RABGAP1L: variants seen among roughly 807,000 people sequenced by gnomAD.
RABGAP1L encodes the protein rab GTPase-activating protein 1-like.
In RABGAP1L, 63 loss-of-function variants were observed where a neutral mutation model predicts 137.7. The observed-to-expected ratio is 0.46, with a 90% CI of 0.37 to 0.56. The LOEUF (loss-of-function observed/expected upper bound fraction) is 0.56, where lower values mean the gene tolerates loss of function less well. RABGAP1L is among the 20% of genes least tolerant of loss of function. The probability of loss-of-function intolerance (pLI) is 0.00; values close to 1 mark genes in which losing one functional copy is unlikely to be tolerated. For missense variants in RABGAP1L, 1,095 were observed against 1,244.0 expected, an observed-to-expected ratio of 0.88 and a Z score of 1.80; for synonymous variants, 431 against 433.7, an observed-to-expected ratio of 0.99 and a Z score of 0.08.
chr1:174,851,271 G>A (rs1352584395), intron 19 of RABGAP1L, among the ~76,000 whole-genome samples: 1 of 152,206 alleles, frequency 6.6e-6, no homozygotes, highest in Non-Finnish European at 1.5e-5. Flanking sequence ...AGAGATGGGA[G>A]CCATATTCCC....
chr1:174,779,516 A>G (rs1184512451), intron 18 of RABGAP1L, among the ~76,000 whole-genome samples: 1 of 152,216 alleles, frequency 6.6e-6, no homozygotes, highest in East Asian at 1.9e-4. Flanking sequence ...TAATCCCAGA[A>G]TTGATGCATA....
At chr1:174,694,081 A>C (rs1441058767) in intron 15 of RABGAP1L, among the ~76,000 whole-genome samples, 1 of 152,196 alleles carries the variant, frequency 6.6e-6, no homozygotes, top group Non-Finnish European at 1.5e-5. Flanking sequence ...AAGTATTATA[A>C]AGAGATGATT....
chr1:174,344,078 C>T (rs1330971628), intron 11 of RABGAP1L, among the ~76,000 whole-genome samples: 2 of 152,112 alleles, frequency 1.3e-5, no homozygotes, highest in African/African-American at 4.8e-5. Context: ...AGTAAGACAT[C>T]TTAATCATGT....
At chr1:174,848,763 G>A (rs1268432885) in intron 19 of RABGAP1L, among the ~76,000 whole-genome samples, 3 of 149,120 alleles carry the variant, frequency 2.0e-5, no homozygotes, top group African/African-American at 7.5e-5. Context: ...CACCCAGTTC[G>A]AGCTTCCCGG....
intron 14 of RABGAP1L, among the ~76,000 whole-genome samples, chr1:174,680,305 G>A (rs1284579674): frequency 1.3e-5 from 2 of 152,174 alleles, no homozygotes; most frequent in Non-Finnish European, 2.9e-5. Flanking sequence ...GAGCCCTCAT[G>A]AATTGGATTA....
intron 14 of RABGAP1L, among the ~76,000 whole-genome samples, chr1:174,672,839 T>G (rs947382979): frequency 1.3e-5 from 2 of 152,178 alleles, no homozygotes; most frequent in African/African-American, 4.8e-5. Context: ...AATCCTGCAC[T>G]TAGACATCTT....
At chr1:174,957,695 G>A (rs1200409313) in intron 20 of RABGAP1L, 146 bp downstream of exon 20, 1 of 931,572 alleles carries the variant, frequency 1.1e-6, no homozygotes, top group Admixed American at 2.2e-5. Flanking sequence ...GGGATTACAG[G>A]CACGAGCCAC....
At chr1:174,333,793 C>T (rs1379728789) in intron 11 of RABGAP1L, among the ~76,000 whole-genome samples, 1 of 152,202 alleles carries the variant, frequency 6.6e-6, no homozygotes, top group African/African-American at 2.4e-5. Context: ...CTCACTTGAT[C>T]TGGAGCAGAG....
chr1:174,463,907 A>G (rs1447338635), intron 13 of RABGAP1L, among the ~76,000 whole-genome samples: 1 of 152,152 alleles, frequency 6.6e-6, no homozygotes, highest in African/African-American at 2.4e-5. Flanking sequence ...ATTTGATATA[A>G]TCCAGATATT....
At chr1:174,369,929 T>C (rs1389065928) in intron 11 of RABGAP1L, among the ~76,000 whole-genome samples, 1 of 152,238 alleles carries the variant, frequency 6.6e-6, no homozygotes, top group African/African-American at 2.4e-5. Context: ...TTTTACTAAA[T>C]GTGTCATCAA....
At chr1:174,931,990 G>GTTTTTTTTTT (rs532860564) in intron 19 of RABGAP1L, among the ~76,000 whole-genome samples, 39 of 69,642 alleles carry the variant, frequency 5.6e-4, no homozygotes, top group Non-Finnish European at 5.9e-4. Context: ...TGCTTTTTTG[G>GTTTTTTTTTT]TTTTTTTTTT....
chr1:174,318,116 C>G (rs547773282), intron 11 of RABGAP1L, among the ~76,000 whole-genome samples: 6 of 150,688 alleles, frequency 4.0e-5, no homozygotes, highest in Non-Finnish European at 8.9e-5. Context: ...TATGAGTGTT[C>G]GCTTGATTTT....
At chr1:174,399,761 A>T (rs1380570939) in intron 13 of RABGAP1L, among the ~76,000 whole-genome samples, 1 of 152,162 alleles carries the variant, frequency 6.6e-6, no homozygotes, top group Non-Finnish European at 1.5e-5. Flanking sequence ...AAGGAGAAGA[A>T]TGAGCAGGGG....
chr1:174,192,283 A>G (rs1159161615), intron 1 of RABGAP1L, among the ~76,000 whole-genome samples: 1 of 147,202 alleles, frequency 6.8e-6, no homozygotes, highest in East Asian at 2.0e-4. Context: ...GGTTCAAGAG[A>G]GTCTAATTGA....
At chr1:174,678,897 G>A (rs150787980) in intron 14 of RABGAP1L, among the ~76,000 whole-genome samples, 105 of 152,346 alleles carry the variant, frequency 6.9e-4, no homozygotes, top group Non-Finnish European at 9.6e-4. Context: ...TGCCCTATCC[G>A]GAGGGATGGA....
In RABGAP1L at chr1:174,250,752, T is replaced by G. The variant is rs1672647667; in HGVS notation, c.875+120T>G. The stretch of plus-strand genomic sequence containing the variant: ...AGCCTCAAACTGATAAATATTTGGC[T>G]GGTGAATTAATATTTTTTATTCTTG... On this transcript the variant is annotated intron_variant, in intron 6 of 25. Transcript: ENST00000681986. 6 of 853,674 alleles carry G rather than the reference T, an allele frequency of 7.0e-6. No individual in the cohort carries two copies. In the South Asian group the frequency reaches 1.5e-4, roughly 21 times the overall value. 52.9% of individuals were successfully genotyped at this position (853,674 alleles called of 1,614,324 possible).
chr1:174,187,742 T>C (rs558429745), intron 1 of RABGAP1L, among the ~76,000 whole-genome samples: 7 of 152,228 alleles, frequency 4.6e-5, no homozygotes, highest in African/African-American at 1.7e-4. Context: ...ATTCTGATCA[T>C]CTTGTAGGAA....
intron 19 of RABGAP1L, among the ~76,000 whole-genome samples, chr1:174,880,777 G>A (rs1654065552): frequency 6.6e-6 from 1 of 151,892 alleles, no homozygotes. Context: ...TAAAGAGGTA[G>A]GGTCTTGCTA....
At chr1:174,974,020 G>A (rs911888159) in intron 21 of RABGAP1L, among the ~76,000 whole-genome samples, 12 of 123,836 alleles carry the variant, frequency 9.7e-5, no homozygotes, top group Admixed American at 9.6e-4. Flanking sequence ...ACGGAGTCTC[G>A]CTCTGTCGCC....
Sources: gnomAD v4.1 joint callset for allele counts (sites outside exome capture counted in the v4.1 genomes callset) on GRCh38, gnomAD v4.1.1 for gene constraint, MANE v1.5 for transcripts, NCBI Gene and HGNC (gene_info 2026-07-23, HGNC 2026-07-21) for gene names.